The following INPP5A variants were observed in gnomAD, a reference collection of about 807,000 sequenced individuals.
INPP5A encodes inositol polyphosphate-5-phosphatase A.
Under a neutral mutation model 65.2 loss-of-function variants are expected in INPP5A, and 14 were observed. That is an observed-to-expected ratio of 0.21 (90% confidence interval 0.14 to 0.34). The LOEUF (loss-of-function observed/expected upper bound fraction) is 0.34, where lower values mean the gene tolerates loss of function less well. INPP5A is among the 10% of genes least tolerant of loss of function. The pLI is 1.00. For synonymous variants in INPP5A, 207 were observed against 208.3 expected (o/e 0.99, Z 0.05); for missense variants, 431 against 545.6 (o/e 0.79, Z 2.09).
intron 1 of INPP5A, among the ~76,000 whole-genome samples, chr10:132,539,021 T>C (rs1273646325): frequency 1.3e-5 from 2 of 152,180 alleles, no homozygotes; most frequent in Non-Finnish European, 2.9e-5. Context: ...TTCTGGACCC[T>C]GCCCCTAACT....
intron 1 of INPP5A, among the ~76,000 whole-genome samples, chr10:132,559,121 G>A (rs1483250500): frequency 6.6e-6 from 1 of 152,222 alleles, no homozygotes; most frequent in Non-Finnish European, 1.5e-5. Flanking sequence ...ACTGCCTCAT[G>A]GTCCTTGATC....
intron 2 of INPP5A, among the ~76,000 whole-genome samples, chr10:132,642,618 C>T (rs76471958): frequency 0.015 from 2,308 of 152,312 alleles, 33 homozygotes; most frequent in South Asian, 0.039. Context: ...GAGCAGGGGT[C>T]CCCTCTGTTT....
At chr10:132,558,761 C>T (rs1334655598) in intron 1 of INPP5A, among the ~76,000 whole-genome samples, 5 of 152,252 alleles carry the variant, frequency 3.3e-5, no homozygotes, top group African/African-American at 9.6e-5. Context: ...CATCCTTTGC[C>T]TAAACTCCTC....
intron 8 of INPP5A, among the ~76,000 whole-genome samples, chr10:132,719,261 T>G (rs1476766133): frequency 4.7e-5 from 7 of 149,828 alleles, no homozygotes; most frequent in East Asian, 2.0e-4. Flanking sequence ...TCTGGGCACC[T>G]TAGACAGCTG....
intron 2 of INPP5A, among the ~76,000 whole-genome samples, chr10:132,609,941 C>T (rs1323465037): frequency 1.3e-5 from 2 of 152,250 alleles, no homozygotes; most frequent in African/African-American, 4.8e-5. Flanking sequence ...CGCACCTGGC[C>T]TGTCTGCCGC....
rs550740287 is a variant in INPP5A at position 132,549,174 on chromosome 10, C to T, written c.75+11003C>T. On this transcript the variant is annotated intron_variant, in intron 1 of 15. Transcript: ENST00000368594. This position sits in a 1 kb window ranked among gnomAD's most constrained non-coding sequence, Gnocchi z 4.9. The stretch of plus-strand genomic sequence containing the variant: ...TCTCCAGTCGCCCACAGATGGACGT[C>T]GGGGCTATCGTGGCTAGTGTACTGT... Among the ~76,000 whole-genome samples the T allele has an allele frequency of 1.2e-3, 183 of 152,268 alleles. 1 individual carries two copies. Among genetic ancestry groups the T allele is most frequent in the African/African-American group, 3.9e-3 (162 of 41,550 alleles).
Position 132,587,716 on chromosome 10 carries a change from G to A in INPP5A, c.76-20199G>A, listed in dbSNP as rs2071562795. Among the ~76,000 whole-genome samples, 1 of 152,088 alleles carries A rather than the reference G, an allele frequency of 6.6e-6. No homozygotes were observed. Among genetic ancestry groups the A allele is most frequent in the Non-Finnish European group, 1.5e-5 (1 of 68,016 alleles). Reference sequence around the variant, plus strand: ...AAAGTTATACTTGTGTTGTTTCTTAGAATTTGGCCGGGCATGGTGGCTCAT... The same window carrying A: ...AAAGTTATACTTGTGTTGTTTCTTAAAATTTGGCCGGGCATGGTGGCTCAT... On this transcript the variant is annotated intron_variant, in intron 1 of 15. Coordinates refer to ENST00000368594, the MANE Select transcript of INPP5A (RefSeq NM_005539.5). This position sits in a 1 kb window ranked among gnomAD's most constrained non-coding sequence, Gnocchi z 4.3.
chr10:132,673,863 C>A (rs1442036541), intron 4 of INPP5A, among the ~76,000 whole-genome samples: 2 of 152,236 alleles, frequency 1.3e-5, no homozygotes, highest in African/African-American at 4.8e-5. Flanking sequence ...AGGAATGGTG[C>A]CATATCAAGG....
chr10:132,606,601 C>T (rs2133338933), intron 1 of INPP5A, among the ~76,000 whole-genome samples: 1 of 152,340 alleles, frequency 6.6e-6, no homozygotes, highest in African/African-American at 2.4e-5. Context: ...ATCTAAAATT[C>T]AGTCTTCCTG....
chr10:132,566,481 G>A (rs1396314456), intron 1 of INPP5A, among the ~76,000 whole-genome samples: 5 of 152,102 alleles, frequency 3.3e-5, no homozygotes, highest in Non-Finnish European at 5.9e-5. Context: ...AAACCATCTC[G>A]GCTTAGGACC....
intron 11 of INPP5A, among the ~76,000 whole-genome samples, chr10:132,756,854 C>T (rs150636150): frequency 1.3e-5 from 2 of 152,334 alleles, no homozygotes; most frequent in East Asian, 1.9e-4. Flanking sequence ...TTCCGTGGGA[C>T]GCAGAGGCGG....
chr10:132,720,992 G>C (rs1180673867), intron 8 of INPP5A, among the ~76,000 whole-genome samples: 1 of 148,554 alleles, frequency 6.7e-6, no homozygotes, highest in Non-Finnish European at 1.5e-5. Flanking sequence ...CCTGGGTTCT[G>C]TCTGGGCACC....
intron 2 of INPP5A, among the ~76,000 whole-genome samples, chr10:132,612,948 G>A (rs564045455): frequency 4.6e-5 from 7 of 152,202 alleles, no homozygotes; most frequent in South Asian, 4.1e-4. Context: ...CCGCGCATTC[G>A]GGTCTCTGCA....
At chr10:132,680,039 T>G (rs374545627) in intron 4 of INPP5A, among the ~76,000 whole-genome samples, 1 of 152,224 alleles carries the variant, frequency 6.6e-6, no homozygotes, top group Non-Finnish European at 1.5e-5. Flanking sequence ...AACATTGGAT[T>G]TGGCGATGAT....
rs1156228934 is a variant in INPP5A at position 132,705,598 on chromosome 10, C to T, written c.475-2715C>T. 1.3e-5 allele frequency among the ~76,000 whole-genome samples: 2 copies of T among 152,240 alleles called. No homozygotes were observed. Among genetic ancestry groups the T allele is most frequent in the Non-Finnish European group, 2.9e-5 (2 of 68,042 alleles). On this transcript the variant is annotated intron_variant, in intron 6 of 15. Coordinates refer to ENST00000368594, the MANE Select transcript of INPP5A (RefSeq NM_005539.5). The surrounding 1 kb of genome is among the most constrained non-coding windows in gnomAD (Gnocchi z 4.9). Reference sequence around the variant, plus strand: ...GTACAGGAAGTCTCTGTACCTTATGCTCAATTCTTCTGGAAGCCTAAAGCT... The same window carrying T: ...GTACAGGAAGTCTCTGTACCTTATGTTCAATTCTTCTGGAAGCCTAAAGCT...
chr10:132,628,431 C>T (rs891038942), intron 2 of INPP5A, among the ~76,000 whole-genome samples: 11 of 149,896 alleles, frequency 7.3e-5, no homozygotes, highest in African/African-American at 2.7e-4. Context: ...CTATGGTGGC[C>T]GCCCCCTCTC....
intron 4 of INPP5A, among the ~76,000 whole-genome samples, chr10:132,662,177 G>A (rs2072745074): frequency 1.3e-5 from 2 of 152,168 alleles, no homozygotes; most frequent in Non-Finnish European, 1.5e-5. Context: ...CTGGGGAGGC[G>A]GTGGTAGCAC....
intron 4 of INPP5A, among the ~76,000 whole-genome samples, chr10:132,660,063 G>A (rs985607960): frequency 1.3e-5 from 2 of 152,238 alleles, no homozygotes; most frequent in African/African-American, 2.4e-5. Context: ...CCCACGGCAC[G>A]TTCTGACGTC....
intron 12 of INPP5A, among the ~76,000 whole-genome samples, chr10:132,771,979 C>T (rs60214127): frequency 0.085 from 115 of 1,356 alleles, 33 homozygotes; most frequent in Middle Eastern, 0.33. Context: ...AGCCACCCCA[C>T]GAGGAGTGGG....
Sources: allele counts gnomAD v4.1 joint callset (sites outside exome capture counted in the v4.1 genomes callset), GRCh38; gene constraint gnomAD v4.1.1; non-coding constraint Gnocchi (gnomAD v3.1); transcripts MANE v1.5; gene names NCBI Gene and HGNC (gene_info 2026-07-23, HGNC 2026-07-21).